Variants in ADSL observed in about 807,000 individuals in gnomAD.
ADSL encodes the protein adenylosuccinase.
A neutral mutation model predicts 62.1 loss-of-function variants in ADSL; 44 were observed. The ratio of observed to expected loss-of-function variants is 0.71; its 90% CI spans 0.56 to 0.91. The LOEUF (loss-of-function observed/expected upper bound fraction) is 0.91. ADSL is among the 40% of genes least tolerant of loss of function. The pLI, the probability that ADSL is intolerant of heterozygous loss-of-function variation, is 0.00. For synonymous variants in ADSL, 198 were observed against 220.5 expected, an observed-to-expected ratio of 0.90 and a Z score of 0.90; for missense variants, 531 against 627.4, an observed-to-expected ratio of 0.85 and a Z score of 1.64.
intron 1 of ADSL, among the ~76,000 whole-genome samples, chr22:40,347,856 G>A (rs965086927): frequency 6.6e-5 from 10 of 152,204 alleles, no homozygotes; most frequent in Non-Finnish European, 7.3e-5. Flanking sequence ...CGTAGATAGC[G>A]ATAGTAGTAG....
In ADSL at chr22:40,365,035, C is replaced by T. The variant is rs2044947968; in HGVS notation, c.1347C>T (p.Phe449=). 1 of 1,614,062 alleles carries T rather than the reference C, an allele frequency of 6.2e-7. No individual in the cohort carries two copies. Among genetic ancestry groups the T allele is most frequent in the Non-Finnish European group, 8.5e-7 (1 of 1,179,996 alleles). ...ATCATTTACTGGATCCTTCTTCTTT[C>T]ACTGGTCGTGCCTCCCAGCAGGTAA... ...QLDHLLDPSS[F]TGRASQQVQR... Residue 449 remains phenylalanine (F), a synonymous_variant, in exon 12 of 13, where the codon TTC becomes TTT. Coordinates refer to ENST00000623063, the MANE Select transcript of ADSL (RefSeq NM_000026.4).
intron 2 of ADSL, chr22:40,350,373 C>A (rs980467273): frequency 3.8e-6 from 1 of 261,316 alleles, no homozygotes; most frequent in African/African-American, 2.3e-5. Flanking sequence ...TGATCCACCC[C>A]CCTCAGCCTC....
intron 5 of ADSL, 41 bp from the exon 6 acceptor site, chr22:40,359,219 G>T (rs2044677014): frequency 6.2e-7 from 1 of 1,611,660 alleles, no homozygotes; most frequent in African/African-American, 1.3e-5. Flanking sequence ...TCTCACACTG[G>T]ACACATGGAT....
intron 2 of ADSL, among the ~76,000 whole-genome samples, chr22:40,386,562 C>CTTT (rs60319316): frequency 0.12 from 8,357 of 68,282 alleles, 1,072 homozygotes; most frequent in Admixed American, 0.24. Flanking sequence ...AATTTTCTTA[C>CTTT]TTTTTTTTTT....
At chr22:40,347,697 A>G (rs1239102812) in intron 1 of ADSL, among the ~76,000 whole-genome samples, 1 of 152,230 alleles carries the variant, frequency 6.6e-6, no homozygotes, top group African/African-American at 2.4e-5. Context: ...GCAGACATTC[A>G]GATAGTGCCT....
chr22:40,353,186 A>G (rs1407881392), intron 3 of ADSL, 69 bp downstream of exon 3: 2 of 1,222,316 alleles, frequency 1.6e-6, no homozygotes, highest in Non-Finnish European at 2.4e-6. Context: ...ACCAGTTACA[A>G]CTAAATCAAC....
intron 2 of ADSL, among the ~76,000 whole-genome samples, chr22:40,351,577 G>A (rs1339454861): frequency 6.6e-6 from 1 of 152,210 alleles, no homozygotes; most frequent in African/African-American, 2.4e-5. Flanking sequence ...AAAGTCCTGG[G>A]ATTACAGGAG....
intron 2 of ADSL, among the ~76,000 whole-genome samples, chr22:40,385,413 G>A (rs1050412565): frequency 5.3e-5 from 8 of 152,170 alleles, no homozygotes; most frequent in South Asian, 2.1e-4. Context: ...CAGTGGACAC[G>A]AAGCCATTGG....
intron 7 of ADSL, 30 bp downstream of exon 7, chr22:40,360,522 C>G (rs200803776): frequency 6.4e-7 from 1 of 1,554,314 alleles, no homozygotes. Flanking sequence ...GGGGTGGGGA[C>G]AGGAGCTTTG....
At chr22:40,372,423 C>T (rs977284299), downstream of ADSL, among the ~76,000 whole-genome samples, 3 of 152,168 alleles carry the variant, frequency 2.0e-5, no homozygotes, top group African/African-American at 7.2e-5. Context: ...CCGTGCCTGG[C>T]CCTCCCTGTC....
Position 40,366,802 on chromosome 22 carries a change from C to T in ADSL, c.*280C>T, listed in dbSNP as rs2146679184. 5 of 391,686 alleles carry T rather than the reference C, an allele frequency of 1.3e-5. No individual in the cohort carries two copies. Among genetic ancestry groups the T allele is most frequent in the East Asian group, 5.8e-5 (1 of 17,364 alleles). The allele number at this position is 391,686 out of a possible 1,614,324, so 24.3% of individuals were successfully genotyped here. ...GCTGCCTCAAGTTTAGTCCTTTTCA[C>T]GTGTTCATTTGCTTGTAAAGTAGCA... On this transcript the variant is annotated 3_prime_UTR_variant, in exon 13 of 13. Transcript: ENST00000623063.
intron 2 of ADSL, among the ~76,000 whole-genome samples, chr22:40,350,557 TTGGTTTGC>T (rs1290156687): frequency 3.9e-5 from 6 of 152,186 alleles, no homozygotes; most frequent in Non-Finnish European, 8.8e-5. Context: ...TGCTTATGCA[TTGGTTTGC>T]TGGATGTAAG....
In ADSL at chr22:40,364,999, C is replaced by T; in HGVS notation, c.1311C>T (p.His437=). The change falls in exon 12 of 13, where the codon CAC becomes CAT. Residue 437 remains histidine (H), a synonymous_variant. Coordinates refer to ENST00000623063, the MANE Select transcript of ADSL (RefSeq NM_000026.4). ...TTGATGCCTACTTCAGTCCCATTCA[C>T]TCCCAGTTGGATCATTTACTGGATC... ...IQVDAYFSPI[H]SQLDHLLDPS... 6 of 1,614,124 alleles carry T rather than the reference C, an allele frequency of 3.7e-6. No individual in the cohort carries two copies. Among genetic ancestry groups the T allele is most frequent in the Non-Finnish European group, 5.1e-6 (6 of 1,179,968 alleles).
chr22:40,350,023 T>C lies in ADSL; in HGVS notation c.345T>C (p.Val115=). 1.2e-6 allele frequency: 2 copies of C among 1,613,972 alleles called. No individual in the cohort carries two copies. Among genetic ancestry groups the C allele is most frequent in the Non-Finnish European group, 1.7e-6 (2 of 1,179,834 alleles). ...ACCTTGGTGCTACTTCTTGCTATGT[T>C]GGAGACAATACTGTAGGCGCCTGTG... is the stretch of plus-strand genomic sequence containing the variant. The part of the protein sequence containing the change: ...IIHLGATSCY[V]GDNTDLIILR... The change falls in exon 2 of 13, where the codon GTT becomes GTC. Residue 115 remains valine (V), a synonymous_variant. Coordinates refer to ENST00000623063, the MANE Select transcript of ADSL (RefSeq NM_000026.4).
At chr22:40,382,399 A>G (rs1236222138) in intron 2 of ADSL, among the ~76,000 whole-genome samples, 1 of 152,044 alleles carries the variant, frequency 6.6e-6, no homozygotes, top group East Asian at 1.9e-4. Context: ...GACTGGAGTC[A>G]TGTCTAAAGT....
chr22:40,349,666 C>G (rs2044271088), intron 1 of ADSL, among the ~76,000 whole-genome samples, 166 bp from the exon 2 acceptor site: 1 of 152,172 alleles, frequency 6.6e-6, no homozygotes, highest in Non-Finnish European at 1.5e-5. Flanking sequence ...CTCGACCCCA[C>G]TACCCCTGGC....
At chr22:40,351,481 A>G (rs9611321) in intron 2 of ADSL, among the ~76,000 whole-genome samples, 1,710 of 150,226 alleles carry the variant, frequency 0.011, 10 homozygotes, top group Admixed American at 0.018. Context: ...AAATTTTTAA[A>G]ATATTTATAG....
chr22:40,352,628 G>C (rs1012928226), intron 2 of ADSL, among the ~76,000 whole-genome samples: 1 of 152,170 alleles, frequency 6.6e-6, no homozygotes, highest in Non-Finnish European at 1.5e-5. Flanking sequence ...TAGAAACCTT[G>C]TTGACTTGCA....
intron 2 of ADSL, among the ~76,000 whole-genome samples, chr22:40,352,453 G>A (rs964085997): frequency 6.6e-6 from 1 of 152,090 alleles, no homozygotes; most frequent in Non-Finnish European, 1.5e-5. Context: ...GCGTGAACCC[G>A]GGAGGTGGAG....
Sources: gnomAD v4.1 joint callset for allele counts (sites outside exome capture counted in the v4.1 genomes callset) on GRCh38, gnomAD v4.1.1 for gene constraint, MANE v1.5 for transcripts, NCBI Gene and HGNC (gene_info 2026-07-23, HGNC 2026-07-21) for gene names.